The following FAR1 variants were observed in gnomAD, a reference collection of about 807,000 sequenced individuals.
The protein encoded by FAR1 is fatty acyl-CoA reductase 1.
FAR1 carries 22 observed loss-of-function variants against 61.1 expected under a neutral mutation model. The observed-to-expected ratio is 0.36, with a 90% CI of 0.26 to 0.51. FAR1 has a LOEUF of 0.51. Among genes scored for constraint, FAR1 ranks in the 20% least tolerant of loss-of-function variants. The probability of loss-of-function intolerance (pLI) is 0.95; values close to 1 mark genes in which losing one functional copy is unlikely to be tolerated. For synonymous variants in FAR1, 206 were observed against 209.7 expected, an observed-to-expected ratio of 0.98 and a Z score of 0.15; for missense variants, 359 against 626.9, an observed-to-expected ratio of 0.57 and a Z score of 4.56.
At chr11:13,708,485 ATC>A (rs1037404434) in intron 4 of FAR1, among the ~76,000 whole-genome samples, 1 of 149,404 alleles carries the variant, frequency 6.7e-6, no homozygotes, top group African/African-American at 2.5e-5. Flanking sequence ...ACATACATTT[ATC>A]TCTTTTCTTC....
intron 1 of FAR1, among the ~76,000 whole-genome samples, chr11:13,681,522 A>G (rs1209623089): frequency 1.3e-5 from 2 of 152,244 alleles, no homozygotes. Context: ...GCAGAAAATT[A>G]CACTGTATGA....
At chr11:13,672,939 T>G (rs1470591058) in intron 1 of FAR1, among the ~76,000 whole-genome samples, 3 of 152,218 alleles carry the variant, frequency 2.0e-5, no homozygotes, top group Non-Finnish European at 4.4e-5. Context: ...TTTAACTGCT[T>G]CTTTTGGCTT....
chr11:13,731,570 CCTTA>C lies in FAR1; in HGVS notation c.*2802_*2805del, dbSNP rs1359823385. ...TATGCTTAGGATTACAGGAAGCAGTCCTTACTTACACTTCTTGTCTGTTTTAGGT... is the reference window on the plus strand; with the variant it reads ...TATGCTTAGGATTACAGGAAGCAGTCCTTACACTTCTTGTCTGTTTTAGGT... On this transcript the variant is annotated 3_prime_UTR_variant, in exon 12 of 12. Coordinates refer to ENST00000354817, the MANE Select transcript of FAR1 (RefSeq NM_032228.6). 2.0e-5 allele frequency: 3 copies of C among 152,354 alleles called. No homozygotes were observed. Among genetic ancestry groups the C allele is most frequent in the Admixed American group, 6.6e-5 (1 of 15,252 alleles). 9.4% of individuals were successfully genotyped at this position (152,354 alleles called of 1,614,324 possible).
At position 13,710,862 on chromosome 11, in the gene FAR1, C is replaced by T; in HGVS notation, c.715C>T (p.Pro239Ser). Residue 239 changes from proline to serine, a missense_variant, in exon 5 of 12, where the codon CCT becomes TCT. Transcript: ENST00000354817. ...GATTGTTGGTGCCAGTTGGAAAGAACCTTTTCCAGTAAGTTGTTAGAAACC... is the reference window on the plus strand; with the variant it reads ...GATTGTTGGTGCCAGTTGGAAAGAATCTTTTCCAGTAAGTTGTTAGAAACC... ...PSIVGASWKE[P>S]FPGWIDNFNG... The T allele has an allele frequency of 3.1e-6, 5 of 1,609,216 alleles. No homozygotes were observed. Among genetic ancestry groups the T allele is most frequent in the Non-Finnish European group, 4.2e-6 (5 of 1,178,534 alleles).
intron 3 of FAR1, among the ~76,000 whole-genome samples, chr11:13,707,482 G>T (rs1310061543): frequency 1.3e-5 from 2 of 151,956 alleles, no homozygotes; most frequent in African/African-American, 4.8e-5. Flanking sequence ...GTGACTCTAC[G>T]TTAACATTTT....
At chr11:13,674,243 AG>A in intron 1 of FAR1, among the ~76,000 whole-genome samples, 1 of 150,482 alleles carries the variant, frequency 6.6e-6, no homozygotes, top group East Asian at 2.0e-4. Context: ...CGGGAGGCAG[AG>A]GTTGCAGTGA....
chr11:13,697,232 G>C (rs1255551695), intron 2 of FAR1, among the ~76,000 whole-genome samples: 1 of 152,032 alleles, frequency 6.6e-6, no homozygotes, highest in African/African-American at 2.4e-5. Context: ...GGCCACGGCT[G>C]GTGGGTCACT....
chr11:13,701,739 G>A (rs1283912059), intron 3 of FAR1, among the ~76,000 whole-genome samples: 1 of 151,986 alleles, frequency 6.6e-6, no homozygotes, highest in Admixed American at 6.6e-5. Context: ...CTCTGCAGTA[G>A]TCCTTTATGG....
Position 13,719,948 on chromosome 11 carries a change from A to G in FAR1, c.1128-1782A>G, listed in dbSNP as rs1848593188. 2.0e-5 allele frequency: 3 copies of G among 152,228 alleles called. No individual in the cohort carries two copies. In the South Asian group the frequency reaches 6.2e-4, roughly 32 times the overall value. The allele number at this position is 152,228 out of a possible 1,614,324, so 9.4% of individuals were successfully genotyped here. A position where few individuals can be genotyped will look rare whatever the true frequency, so the allele number is the denominator to read the frequency against. On this transcript the variant is annotated intron_variant, in intron 9 of 11. Coordinates refer to ENST00000354817, the MANE Select transcript of FAR1 (RefSeq NM_032228.6). ...AATACATATTCAGAACATACCTGGC[A>G]ATGTAGTCATAAACATCTGTTCTAA...
intron 9 of FAR1, among the ~76,000 whole-genome samples, chr11:13,715,640 A>G (rs980140152): frequency 6.6e-6 from 1 of 152,220 alleles, no homozygotes; most frequent in Non-Finnish European, 1.5e-5. Flanking sequence ...AAAGTTAATA[A>G]TAAACAGAAA....
At chr11:13,685,222 T>C (rs927290515) in intron 1 of FAR1, among the ~76,000 whole-genome samples, 1 of 152,194 alleles carries the variant, frequency 6.6e-6, no homozygotes, top group Non-Finnish European at 1.5e-5. Flanking sequence ...TGGCTGCCTC[T>C]GGAAATGGCC....
At chr11:13,694,619 G>A in intron 1 of FAR1, 140 bp from the exon 2 acceptor site, 1 of 665,632 alleles carries the variant, frequency 1.5e-6, no homozygotes, top group Non-Finnish European at 2.5e-6. Context: ...TGAACTTGAG[G>A]TTAGAGTCCT....
chr11:13,712,383 G>A lies in FAR1; in HGVS notation c.887+337G>A, dbSNP rs932467731. On this transcript the variant is annotated intron_variant, in intron 7 of 11. Transcript: ENST00000354817. ...AAAGAGCTGAAATTCACAGAATATG[G>A]TTTACATATATTAAACATGGTACAC... Among the ~76,000 whole-genome samples the A allele has an allele frequency of 9.9e-5, 15 of 151,870 alleles. 1 individual carries two copies. Among genetic ancestry groups the A allele is most frequent in the Admixed American group, 9.2e-4 (14 of 15,234 alleles).
At chr11:13,703,343 C>T (rs1167641350) in intron 3 of FAR1, among the ~76,000 whole-genome samples, 1 of 152,142 alleles carries the variant, frequency 6.6e-6, no homozygotes, top group Non-Finnish European at 1.5e-5. Context: ...GCCAACACAC[C>T]TGTCTAATTT....
intron 1 of FAR1, among the ~76,000 whole-genome samples, chr11:13,691,757 T>C (rs930362325): frequency 2.6e-5 from 4 of 152,234 alleles, no homozygotes; most frequent in African/African-American, 9.7e-5. Context: ...CCACAATTTG[T>C]TTATTCATTT....
chr11:13,719,312 A>C (rs1455718760), intron 9 of FAR1, among the ~76,000 whole-genome samples: 1 of 152,218 alleles, frequency 6.6e-6, no homozygotes, highest in Non-Finnish European at 1.5e-5. Flanking sequence ...ATCTGAATGC[A>C]ACAAGGAATA....
At chr11:13,679,466 C>T (rs11022931) in intron 1 of FAR1, among the ~76,000 whole-genome samples, 4,243 of 152,188 alleles carry the variant, frequency 0.028, 76 homozygotes, top group Non-Finnish European at 0.035. Flanking sequence ...ATTGTTAGAA[C>T]TATTTACTTT....
intron 9 of FAR1, 51 bp downstream of exon 9, chr11:13,714,731 C>T: frequency 6.7e-7 from 1 of 1,501,012 alleles, no homozygotes; most frequent in Non-Finnish European, 9.0e-7. Context: ...ACAACCCATG[C>T]TTACACTAAA....
At chr11:13,724,107 G>A (rs557692325) in intron 10 of FAR1, among the ~76,000 whole-genome samples, 61 of 152,070 alleles carry the variant, frequency 4.0e-4, no homozygotes, top group Middle Eastern at 3.4e-3. Flanking sequence ...TTTTGAAGCC[G>A]GGATTGAAAT....
Sources: allele counts gnomAD v4.1 joint callset (sites outside exome capture counted in the v4.1 genomes callset), GRCh38; gene constraint gnomAD v4.1.1; transcripts MANE v1.5; gene names NCBI Gene and HGNC (gene_info 2026-07-23, HGNC 2026-07-21).